The following MYO1E variants were observed in gnomAD, a reference collection of about 807,000 sequenced individuals.
MYO1E encodes the protein myosin IE.
MYO1E carries 68 observed loss-of-function variants against 151.1 expected under a neutral mutation model. The observed-to-expected ratio is 0.45, with a 90% CI of 0.37 to 0.55. MYO1E has a LOEUF of 0.55. Among genes scored for constraint, MYO1E ranks in the 20% least tolerant of loss-of-function variants. MYO1E has a pLI of 0.00. For missense variants in MYO1E, 1,363 were observed against 1,389.3 expected (o/e 0.98, Z 0.30); for synonymous variants, 601 against 501.7 (o/e 1.20, Z -2.64).
intron 4 of MYO1E, among the ~76,000 whole-genome samples, chr15:59,238,025 C>G (rs1367443581): frequency 6.6e-6 from 1 of 152,150 alleles, no homozygotes; most frequent in Non-Finnish European, 1.5e-5. Context: ...CATCCTAGTG[C>G]TATGCTCCTG....
intron 5 of MYO1E, among the ~76,000 whole-genome samples, chr15:59,235,785 C>T (rs1226611152): frequency 6.6e-6 from 1 of 152,180 alleles, no homozygotes; most frequent in Non-Finnish European, 1.5e-5. Flanking sequence ...TCATCTCCTA[C>T]CAGCAATGTA....
chr15:59,282,656 G>A (rs997949353), intron 1 of MYO1E, among the ~76,000 whole-genome samples: 3 of 150,014 alleles, frequency 2.0e-5, no homozygotes, highest in African/African-American at 7.4e-5. Context: ...GGCCAGCCTG[G>A]ACAACATAGC....
intron 1 of MYO1E, among the ~76,000 whole-genome samples, chr15:59,289,886 C>T (rs770881049): frequency 3.9e-5 from 6 of 152,196 alleles, no homozygotes; most frequent in Admixed American, 6.5e-5. Flanking sequence ...TTTTGCATTT[C>T]CTTCTCCAAG....
At chr15:59,222,384 T>C (rs1215306616) in intron 9 of MYO1E, among the ~76,000 whole-genome samples, 1 of 152,330 alleles carries the variant, frequency 6.6e-6, no homozygotes, top group African/African-American at 2.4e-5. Flanking sequence ...GCTGTATTTA[T>C]GGTAGATTTT....
intron 4 of MYO1E, among the ~76,000 whole-genome samples, chr15:59,237,541 G>T (rs1013231361): frequency 2.6e-5 from 4 of 152,130 alleles, no homozygotes; most frequent in Non-Finnish European, 5.9e-5. Context: ...TACCCTTTGT[G>T]TTACCAGGAT....
chr15:59,229,487 T>C (rs1239836891), intron 6 of MYO1E, among the ~76,000 whole-genome samples: 3 of 152,210 alleles, frequency 2.0e-5, no homozygotes, highest in Admixed American at 6.5e-5. Context: ...GACTGCTGTA[T>C]AGCAGCCTGG....
At position 59,137,000 on chromosome 15, in the gene MYO1E, G is replaced by A. The variant is rs564877860; in HGVS notation, c.*380C>T. ...AAAGAAATGTGCTCTTCAACTAAAG[G>A]CACTTGTCAGCGGCCACCTACAGCC... On this transcript the variant is annotated 3_prime_UTR_variant, in exon 28 of 28. Transcript: ENST00000288235. 4.3e-4 allele frequency: 155 copies of A among 363,402 alleles called. 1 individual carries two copies. The highest frequency in any genetic ancestry group is 3.3e-3 in the South Asian group (150 of 45,656). The allele number at this position is 363,402 out of a possible 1,614,324, so 22.5% of individuals were successfully genotyped here. A position where few individuals can be genotyped will look rare whatever the true frequency, so the allele number is the denominator to read the frequency against.
At chr15:59,223,530 C>T (rs140232979) in intron 8 of MYO1E, among the ~76,000 whole-genome samples, 7 of 152,220 alleles carry the variant, frequency 4.6e-5, no homozygotes, top group Non-Finnish European at 8.8e-5. Context: ...GAAAGAGACT[C>T]GGAAGAGTGG....
chr15:59,220,682 G>A (rs1361096361), intron 9 of MYO1E, among the ~76,000 whole-genome samples: 2 of 151,656 alleles, frequency 1.3e-5, no homozygotes, highest in African/African-American at 4.8e-5. Flanking sequence ...AGAAACCAAG[G>A]CTATTCCTTT....
chr15:59,205,511 AT>A (rs753496637), intron 14 of MYO1E, 26 bp from the exon 15 acceptor site: 1 of 1,568,838 alleles, frequency 6.4e-7, no homozygotes, highest in Admixed American at 1.7e-5. Context: ...AAGAAATCGA[AT>A]TTCATTGAAC....
intron 1 of MYO1E, among the ~76,000 whole-genome samples, chr15:59,354,468 A>C (rs991885388): frequency 6.6e-6 from 1 of 151,572 alleles, no homozygotes; most frequent in East Asian, 1.9e-4. Context: ...CAGCCTAACC[A>C]CTCCCCCACA....
intron 18 of MYO1E, 88 bp from the exon 19 acceptor site, chr15:59,178,625 G>A (rs2079639957): frequency 7.2e-6 from 11 of 1,520,430 alleles, no homozygotes; most frequent in Non-Finnish European, 9.8e-6. Flanking sequence ...GCTCTGCTCT[G>A]AAGGTGCCCA....
Position 59,236,595 on chromosome 15 carries a change from G to A in MYO1E, c.410C>T (p.Thr137Ile). Residue 137 changes from threonine to isoleucine, a missense_variant, in exon 5 of 28, where the codon ACC (threonine) becomes ATC (isoleucine). By Grantham distance (89) the Thr-to-Ile change is moderately conservative. Transcript: ENST00000288235. ...SYISRVSGGG[T>I]KVQHVKDIIL... ...CCACTGCCCACTCACCTGGACTTTGGTCCCTCCTCCAGACACTCTGGAGAT... is the reference window on the plus strand; with the variant it reads ...CCACTGCCCACTCACCTGGACTTTGATCCCTCCTCCAGACACTCTGGAGAT... 1.2e-6 allele frequency: 2 copies of A among 1,613,082 alleles called. No individual in the cohort carries two copies. The highest frequency in any genetic ancestry group is 8.5e-7 in the Non-Finnish European group (1 of 1,179,292).
At chr15:59,208,509 A>C in intron 14 of MYO1E, 172 bp downstream of exon 14, 1 of 752,016 alleles carries the variant, frequency 1.3e-6, no homozygotes, top group Non-Finnish European at 2.2e-6. Context: ...ATGTACATAC[A>C]AAAAAATGCA....
chr15:59,352,903 G>C (rs1048743218), intron 1 of MYO1E, among the ~76,000 whole-genome samples: 1 of 152,126 alleles, frequency 6.6e-6, no homozygotes, highest in East Asian at 1.9e-4. Flanking sequence ...ACAATCACAA[G>C]CACTTCCGAA....
In MYO1E at chr15:59,199,853, C is replaced by T. The variant is rs117291113; in HGVS notation, c.1698+2473G>A. On this transcript the variant is annotated intron_variant, in intron 16 of 27. Transcript: ENST00000288235. ...TTACTGTAGATATGGAACGTATCAG[C>T]GATTGGGCCATGGCTATGTATCTGT... Among the ~76,000 whole-genome samples, 212 of 152,208 alleles carry T rather than the reference C, an allele frequency of 1.4e-3. 4 individuals carry two copies. In the East Asian group the frequency reaches 0.035, roughly 25 times the overall value.
At position 59,236,369 on chromosome 15, in the gene MYO1E, T is replaced by TATATATAC. The variant is rs1392466770; in HGVS notation, c.420+215_420+216insGTATATAT. Among the ~76,000 whole-genome samples, 218 of 117,708 alleles carry TATATATAC rather than the reference T, an allele frequency of 1.9e-3. 3 individuals are homozygous for TATATATAC. Among genetic ancestry groups the TATATATAC allele is most frequent in the East Asian group, 0.016 (62 of 3,840 alleles). 77.2% of individuals were successfully genotyped at this position (117,708 alleles called of 152,430 possible). A position where few individuals can be genotyped will look rare whatever the true frequency, so the allele number is the denominator to read the frequency against. ...TCAAAAAAGAAAAAAAAAAAATATA[T>TATATATAC]ACACACACACACACACACACACACA... On this transcript the variant is annotated intron_variant, in intron 5 of 27. Coordinates refer to ENST00000288235, the MANE Select transcript of MYO1E (RefSeq NM_004998.4).
intron 4 of MYO1E, among the ~76,000 whole-genome samples, chr15:59,252,984 T>G: frequency 6.6e-6 from 1 of 152,184 alleles, no homozygotes; most frequent in East Asian, 1.9e-4. Flanking sequence ...TAGAAGATCT[T>G]AAAGAAGGAA....
chr15:59,189,402 TTC>T (rs1352685143), intron 17 of MYO1E, among the ~76,000 whole-genome samples: 1 of 152,146 alleles, frequency 6.6e-6, no homozygotes, highest in Non-Finnish European at 1.5e-5. Flanking sequence ...TCCCTTTTCT[TTC>T]TTTCTTTCCC....
Sources: gnomAD v4.1 joint callset for allele counts (sites outside exome capture counted in the v4.1 genomes callset) on GRCh38, gnomAD v4.1.1 for gene constraint, MANE v1.5 for transcripts, NCBI Gene and HGNC (gene_info 2026-07-23, HGNC 2026-07-21) for gene names.